Variants in ANKRD11 observed in about 807,000 individuals in gnomAD.
ANKRD11 encodes ankyrin repeat domain 11, also known as ankyrin repeat domain-containing protein 11.
ANKRD11 carries 17 observed loss-of-function variants against 195.7 expected under a neutral mutation model. The observed-to-expected ratio is 0.09, with a 90% CI of 0.06 to 0.13. The LOEUF (loss-of-function observed/expected upper bound fraction) is 0.13, where lower values mean the gene tolerates loss of function less well. Among genes scored for constraint, ANKRD11 ranks in the 10% least tolerant of loss-of-function variants. The pLI, the probability that ANKRD11 is intolerant of heterozygous loss-of-function variation, is 1.00. For missense variants in ANKRD11, 3,735 were observed against 3,566.1 expected, an observed-to-expected ratio of 1.05 and a Z score of -1.21; for synonymous variants, 1,953 against 1,528.1, an observed-to-expected ratio of 1.28 and a Z score of -6.49.
Position 89,283,557 on chromosome 16 carries a change from C to T in ANKRD11, c.2985G>A (p.Lys995=). 1 of 1,612,184 alleles carries T rather than the reference C, an allele frequency of 6.2e-7. No individual in the cohort carries two copies. The highest frequency in any genetic ancestry group is 1.3e-5 in the African/African-American group (1 of 75,074). The change falls in exon 9 of 13, where the codon AAG becomes AAA. Residue 995 remains lysine, a synonymous_variant. Coordinates refer to ENST00000301030, the MANE Select transcript of ANKRD11 (RefSeq NM_013275.6). The surrounding 1 kb of genome is among the most constrained non-coding windows in gnomAD (Gnocchi z 4.3). ...FKDKSDGDFG[K]GLEPWERHHP... is the part of the protein sequence containing the mutation. ...GGTGCCGTTCCCACGGCTCCAGGCC[C>T]TTCCCAAAGTCGCCGTCGGACTTGT...
At chr16:89,457,211 G>A (rs1404119378) in intron 1 of ANKRD11, among the ~76,000 whole-genome samples, 3 of 150,924 alleles carry the variant, frequency 2.0e-5, no homozygotes, top group East Asian at 2.0e-4. Flanking sequence ...CGCCCGCCTC[G>A]GCCTCCCAAA....
chr16:89,277,632 G>A (rs1386015205), intron 9 of ANKRD11: 1 of 152,314 alleles, frequency 6.6e-6, no homozygotes, highest in Non-Finnish European at 1.5e-5. Flanking sequence ...TGTCTTCTGT[G>A]GATGAGCCTC....
At chr16:89,324,553 A>G in intron 2 of ANKRD11, 1 of 455,714 alleles carries the variant, frequency 2.2e-6, no homozygotes, top group South Asian at 1.5e-5. Context: ...GGACGGGGAG[A>G]GGCCGACGAA....
chr16:89,455,570 T>A (rs1405684863), intron 1 of ANKRD11, among the ~76,000 whole-genome samples: 1 of 152,036 alleles, frequency 6.6e-6, no homozygotes, highest in Non-Finnish European at 1.5e-5. Context: ...AATCAACTCT[T>A]CAGAACTGTG....
chr16:89,409,151 G>A (rs1271719482), intron 2 of ANKRD11, among the ~76,000 whole-genome samples: 2 of 152,214 alleles, frequency 1.3e-5, no homozygotes, highest in South Asian at 4.1e-4. Context: ...GCAGAAAACA[G>A]ATTTTTTAGG....
At chr16:89,372,322 C>T (rs942898544) in intron 2 of ANKRD11, among the ~76,000 whole-genome samples, 4 of 152,200 alleles carry the variant, frequency 2.6e-5, no homozygotes, top group East Asian at 1.9e-4. Flanking sequence ...CGCCCAGCGA[C>T]GGATGCGGCC....
At chr16:89,278,964 G>C (rs756044560) in intron 9 of ANKRD11, 108 bp downstream of exon 9, 1 of 1,512,720 alleles carries the variant, frequency 6.6e-7, no homozygotes, top group African/African-American at 1.4e-5. Flanking sequence ...GGTCGAGAGA[G>C]GTCAAGGGCC....
intron 1 of ANKRD11, among the ~76,000 whole-genome samples, chr16:89,435,875 C>G (rs776712902): frequency 2.0e-5 from 3 of 151,818 alleles, no homozygotes; most frequent in Non-Finnish European, 4.4e-5. Context: ...AAGCCTTTTT[C>G]ACTTCAACTT....
intron 7 of ANKRD11, chr16:89,286,904 G>C (rs996630645): frequency 7.8e-7 from 1 of 1,289,426 alleles, no homozygotes; most frequent in Admixed American, 2.3e-5. Flanking sequence ...CGCATTCAAA[G>C]AATCTGTCAT....
intron 1 of ANKRD11, among the ~76,000 whole-genome samples, chr16:89,478,114 A>G (rs2057317747): frequency 6.6e-6 from 1 of 152,218 alleles, no homozygotes. Flanking sequence ...ATAAACTGAA[A>G]TTTTGTTTAA....
chr16:89,432,581 G>C (rs1303631379), intron 1 of ANKRD11, among the ~76,000 whole-genome samples: 1 of 152,108 alleles, frequency 6.6e-6, no homozygotes, highest in Non-Finnish European at 1.5e-5. Flanking sequence ...CTCAGGTCTT[G>C]ACTTTCTTCC....
At chr16:89,330,741 C>G (rs1184043054) in intron 2 of ANKRD11, among the ~76,000 whole-genome samples, 1 of 142,708 alleles carries the variant, frequency 7.0e-6, no homozygotes, top group African/African-American at 2.6e-5. Flanking sequence ...CCACCTCATC[C>G]TGTTCCTCCT....
chr16:89,488,284 G>A (rs896819903), intron 1 of ANKRD11, among the ~76,000 whole-genome samples: 2 of 152,054 alleles, frequency 1.3e-5, no homozygotes, highest in African/African-American at 2.4e-5. Flanking sequence ...CTCCCATCCA[G>A]TTCCATTCAG....
chr16:89,318,339 C>T (rs1377451881), intron 2 of ANKRD11, among the ~76,000 whole-genome samples: 2 of 152,234 alleles, frequency 1.3e-5, no homozygotes, highest in Admixed American at 1.3e-4. Context: ...CACACCTACA[C>T]ACCCACACCC....
intron 4 of ANKRD11, chr16:89,300,352 A>G: frequency 4.9e-6 from 1 of 205,402 alleles, no homozygotes; most frequent in Non-Finnish European, 1.0e-5. Flanking sequence ...GACCCTCGTC[A>G]ACACACTGAG....
At chr16:89,330,654 G>A (rs1041796228) in intron 2 of ANKRD11, among the ~76,000 whole-genome samples, 39 of 43,228 alleles carry the variant, frequency 9.0e-4, no homozygotes, top group African/African-American at 3.1e-3. Flanking sequence ...CCAGTACAGT[G>A]ACTGGGGGGG....
rs553637466 is a variant in ANKRD11 at position 89,402,460 on chromosome 16, G to A, written c.-60+15824C>T. ...ATGAGGAAGCCGAGGCGGGAAGATC[G>A]GTTGACTCCAAGAGTTCAAGAGCAT... On this transcript the variant is annotated intron_variant, in intron 2 of 12. Coordinates refer to ENST00000301030, the MANE Select transcript of ANKRD11 (RefSeq NM_013275.6). 5.3e-5 allele frequency among the ~76,000 whole-genome samples: 8 copies of A among 152,148 alleles called. No homozygotes were observed. In the East Asian group the frequency reaches 5.8e-4, roughly 11 times the overall value.
At chr16:89,479,829 A>G (rs577664780) in intron 1 of ANKRD11, among the ~76,000 whole-genome samples, 1 of 147,430 alleles carries the variant, frequency 6.8e-6, no homozygotes, top group African/African-American at 2.5e-5. Flanking sequence ...TGTAGTCCCA[A>G]CCACTCGGGA....
intron 2 of ANKRD11, among the ~76,000 whole-genome samples, chr16:89,331,497 G>A (rs544645064): frequency 6.6e-6 from 1 of 152,254 alleles, no homozygotes; most frequent in African/African-American, 2.4e-5. Context: ...GACCCTGTTT[G>A]GAAACCAGTT....
Sources: allele counts gnomAD v4.1 joint callset (sites outside exome capture counted in the v4.1 genomes callset), GRCh38; gene constraint gnomAD v4.1.1; non-coding constraint Gnocchi (gnomAD v3.1); transcripts MANE v1.5; gene names NCBI Gene and HGNC (gene_info 2026-07-23, HGNC 2026-07-21).